CACNG2: variants seen among roughly 807,000 people sequenced by gnomAD.
CACNG2 encodes the protein calcium voltage-gated channel auxiliary subunit gamma 2, also known as voltage-dependent calcium channel gamma-2 subunit.
Under a neutral mutation model 25.9 loss-of-function variants are expected in CACNG2, and 3 were observed. The observed-to-expected ratio is 0.12, with a 90% CI of 0.05 to 0.30. CACNG2 has a LOEUF of 0.30. Ranked by LOEUF, CACNG2 falls within the 10% of genes least tolerant of loss-of-function variation. The pLI, the probability that CACNG2 is intolerant of heterozygous loss-of-function variation, is 1.00. For missense variants in CACNG2, 341 were observed against 432.5 expected, an observed-to-expected ratio of 0.79 and a Z score of 1.88; for synonymous variants, 167 against 173.3, an observed-to-expected ratio of 0.96 and a Z score of 0.29.
intron 2 of CACNG2, among the ~76,000 whole-genome samples, chr22:36,569,553 T>C (rs1245691129): frequency 6.6e-6 from 1 of 152,202 alleles, no homozygotes; most frequent in African/African-American, 2.4e-5. Flanking sequence ...TGTTTGTTTG[T>C]TTTAGATACA....
Position 36,585,495 on chromosome 22 carries a change from G to A in CACNG2, c.295+1970C>T, listed in dbSNP as rs534471817. The A allele has an allele frequency of 2.0e-5, 3 of 152,306 alleles. No homozygotes were observed. In the South Asian group the frequency reaches 6.2e-4, roughly 32 times the overall value. The allele number at this position is 152,306 out of a possible 1,614,324, so 9.4% of individuals were successfully genotyped here. A position where few individuals can be genotyped will look rare whatever the true frequency, so the allele number is the denominator to read the frequency against. ...AGGACTAGCATTTTATAGACCAGGG[G>A]TCAGCAAACTATACCAAATGAAGCC... is the stretch of plus-strand genomic sequence containing the variant. On this transcript the variant is annotated intron_variant, in intron 2 of 3. Transcript: ENST00000300105.
intron 2 of CACNG2, among the ~76,000 whole-genome samples, chr22:36,572,592 C>G (rs1935250723): frequency 6.6e-6 from 1 of 152,056 alleles, no homozygotes; most frequent in Non-Finnish European, 1.5e-5. Flanking sequence ...GTCCCAGCTA[C>G]TCGGGAGCCC....
At position 36,561,287 on chromosome 22, in the gene CACNG2, A is replaced by C. The variant is rs140035; in HGVS notation, c.*3064T>G. 0.92 allele frequency: 140,887 copies of C among 152,334 alleles called. 65,299 individuals carry two copies. The highest frequency in any genetic ancestry group is 1 in the East Asian group (5,167 of 5,168). 9.4% of individuals were successfully genotyped at this position (152,334 alleles called of 1,614,324 possible). ...TCGCTTGGGTGCGGTTTTCTTGGGG[A>C]CCCTCCCTTCTCCCTTCGCTCTCAT... On this transcript the variant is annotated 3_prime_UTR_variant, in exon 4 of 4. Transcript: ENST00000300105.
At chr22:36,590,155 G>C (rs1021719538) in intron 1 of CACNG2, among the ~76,000 whole-genome samples, 2 of 152,136 alleles carry the variant, frequency 1.3e-5, no homozygotes, top group South Asian at 2.1e-4. Context: ...CACATTCTAC[G>C]GGGAGCCTAG....
At chr22:36,698,135 C>T (rs1316317492) in intron 1 of CACNG2, among the ~76,000 whole-genome samples, 1 of 152,042 alleles carries the variant, frequency 6.6e-6, no homozygotes, top group Non-Finnish European at 1.5e-5. Context: ...GCACCCCCTT[C>T]TCTCCCTCTC....
At chr22:36,643,520 C>G (rs58107072) in intron 1 of CACNG2, among the ~76,000 whole-genome samples, 285 of 151,470 alleles carry the variant, frequency 1.9e-3, no homozygotes, top group African/African-American at 6.7e-3. Flanking sequence ...ATCTATCTAT[C>G]TATCCATCAT....
intron 2 of CACNG2, among the ~76,000 whole-genome samples, chr22:36,572,191 C>G (rs1050361173): frequency 6.6e-6 from 1 of 152,156 alleles, no homozygotes; most frequent in Non-Finnish European, 1.5e-5. Context: ...TCCCCTGTAC[C>G]AGGCCTTGTT....
intron 1 of CACNG2, among the ~76,000 whole-genome samples, chr22:36,661,780 G>A (rs139781450): frequency 7.9e-5 from 12 of 152,204 alleles, no homozygotes; most frequent in African/African-American, 2.9e-4. Context: ...GGCCTGGGAA[G>A]CAGGCTGCCT....
At chr22:36,604,038 A>G in intron 1 of CACNG2, among the ~76,000 whole-genome samples, 1 of 152,228 alleles carries the variant, frequency 6.6e-6, no homozygotes, top group East Asian at 1.9e-4. Flanking sequence ...AAAGGACTCA[A>G]CATTCTAGAT....
At chr22:36,679,421 G>C (rs1937067307) in intron 1 of CACNG2, among the ~76,000 whole-genome samples, 1 of 152,078 alleles carries the variant, frequency 6.6e-6, no homozygotes, top group African/African-American at 2.4e-5. Context: ...GGCTCTCTGA[G>C]GGCTCTTCAT....
chr22:36,694,352 T>C (rs1037391269), intron 1 of CACNG2, among the ~76,000 whole-genome samples: 1 of 152,206 alleles, frequency 6.6e-6, no homozygotes, highest in Non-Finnish European at 1.5e-5. Context: ...AATATGGAAC[T>C]GGGAGAATAA....
chr22:36,599,252 A>C (rs973996177), intron 1 of CACNG2, among the ~76,000 whole-genome samples: 1 of 127,338 alleles, frequency 7.9e-6, no homozygotes, highest in Non-Finnish European at 1.8e-5. Flanking sequence ...TTCCACAAAC[A>C]TAACACTGGA....
intron 1 of CACNG2, among the ~76,000 whole-genome samples, chr22:36,634,820 G>A (rs1235302669): frequency 6.6e-6 from 1 of 152,198 alleles, no homozygotes; most frequent in Non-Finnish European, 1.5e-5. Context: ...TTTCATGTGT[G>A]TATATGTCCT....
At chr22:36,566,213 TC>T in intron 3 of CACNG2, 139 bp downstream of exon 3, 1 of 853,628 alleles carries the variant, frequency 1.2e-6, no homozygotes, top group South Asian at 1.5e-5. Flanking sequence ...ACCACCTTCC[TC>T]CCCTGCAACA....
intron 3 of CACNG2, 30 bp downstream of exon 3, chr22:36,566,323 C>T (rs1935123498): frequency 1.2e-6 from 2 of 1,612,556 alleles, no homozygotes; most frequent in Non-Finnish European, 8.5e-7. Flanking sequence ...GCCTTCTTCC[C>T]AGTGGCAGGA....
At chr22:36,591,175 T>G (rs1330296503) in intron 1 of CACNG2, among the ~76,000 whole-genome samples, 3 of 151,672 alleles carry the variant, frequency 2.0e-5, no homozygotes, top group South Asian at 4.1e-4. Flanking sequence ...TAGCTGGAAC[T>G]ACAGGCGCCC....
chr22:36,593,965 T>C (rs1935634328), intron 1 of CACNG2, among the ~76,000 whole-genome samples: 1 of 152,044 alleles, frequency 6.6e-6, no homozygotes, highest in African/African-American at 2.4e-5. Context: ...CAGACATCAC[T>C]CCAGTAAGGG....
In CACNG2 at chr22:36,574,800, C is replaced by CAAAACAAAACAAAACAAAA. The variant is rs796378649; in HGVS notation, c.296-8308_296-8307insTTTTGTTTTGTTTTGTTTT. Among the ~76,000 whole-genome samples, 70 of 17,348 alleles carry CAAAACAAAACAAAACAAAA rather than the reference C, an allele frequency of 4.0e-3. 1 individual carries two copies. The highest frequency in any genetic ancestry group is 9.5e-3 in the African/African-American group (69 of 7,240). The allele number at this position is 17,348 out of a possible 152,430, so 11.4% of individuals were successfully genotyped here. On this transcript the variant is annotated intron_variant, in intron 2 of 3. Coordinates refer to ENST00000300105, the MANE Select transcript of CACNG2 (RefSeq NM_006078.5). ...TCTGTCTCAACAAAACAAAACAAAA[C>CAAAACAAAACAAAACAAAA]CAAAACAAAACAAAACAAACAAAAA...
intron 1 of CACNG2, among the ~76,000 whole-genome samples, chr22:36,671,100 G>A (rs1936943013): frequency 6.6e-6 from 1 of 151,964 alleles, no homozygotes; most frequent in South Asian, 2.1e-4. Context: ...TGTATTTTTA[G>A]TAGAGACGGG....
Sources: gnomAD v4.1 joint callset for allele counts (sites outside exome capture counted in the v4.1 genomes callset) on GRCh38, gnomAD v4.1.1 for gene constraint, MANE v1.5 for transcripts, NCBI Gene and HGNC (gene_info 2026-07-23, HGNC 2026-07-21) for gene names.